Variants in GNG2 observed in about 807,000 individuals in gnomAD.
GNG2 encodes the protein guanine nucleotide-binding protein G(I)/G(S)/G(O) subunit gamma-2.
A neutral mutation model predicts 5.5 loss-of-function variants in GNG2; 5 were observed. The observed-to-expected ratio is 0.91, with a 90% CI of 0.48 to 1.92. GNG2 has a LOEUF of 1.92. Ranked by LOEUF, GNG2 falls within the 30% of genes most tolerant of loss-of-function variation. GNG2 has a pLI of 0.01. For missense variants in GNG2, 55 were observed against 88.4 expected (o/e 0.62, Z 1.52); for synonymous variants, 28 against 32.0 (o/e 0.88, Z 0.42).
intron 2 of GNG2, among the ~76,000 whole-genome samples, chr14:51,900,208 G>A (rs543597864): frequency 1.3e-5 from 2 of 152,226 alleles, no homozygotes; most frequent in South Asian, 2.1e-4. Flanking sequence ...ATTCTGAAAG[G>A]TGTGAGGTGA....
At chr14:51,855,722 T>G (rs1882123876), upstream of GNG2, among the ~76,000 whole-genome samples, 1 of 152,202 alleles carries the variant, frequency 6.6e-6, no homozygotes, top group Non-Finnish European at 1.5e-5. Context: ...CTCTTCCTTC[T>G]TCCCTGCAGC....
At chr14:51,902,782 G>A (rs1234160219) in intron 2 of GNG2, among the ~76,000 whole-genome samples, 1 of 152,104 alleles carries the variant, frequency 6.6e-6, no homozygotes, top group African/African-American at 2.4e-5. Flanking sequence ...CAGCTACCCT[G>A]GAGGCTGAGG....
chr14:51,924,128 A>C (rs1198455529), intron 2 of GNG2, among the ~76,000 whole-genome samples: 1 of 152,248 alleles, frequency 6.6e-6, no homozygotes, highest in Non-Finnish European at 1.5e-5. Context: ...CACAGACCAC[A>C]GAAGCAGCTT....
intron 2 of GNG2, among the ~76,000 whole-genome samples, chr14:51,934,126 T>C (rs1594933913): frequency 6.6e-6 from 1 of 151,604 alleles, no homozygotes; most frequent in African/African-American, 2.4e-5. Context: ...TTAAAGGGAG[T>C]GGTTCCATGA....
chr14:51,948,852 T>G (rs944489665), intron 2 of GNG2, among the ~76,000 whole-genome samples: 1 of 152,164 alleles, frequency 6.6e-6, no homozygotes, highest in Non-Finnish European at 1.5e-5. Flanking sequence ...CCGGGCGTGG[T>G]GGCTCATGCC....
chr14:51,915,127 C>G (rs1886537557), intron 2 of GNG2, among the ~76,000 whole-genome samples: 2 of 152,194 alleles, frequency 1.3e-5, no homozygotes, highest in South Asian at 4.1e-4. Flanking sequence ...ACGTTTAGAG[C>G]TTAAGTGTAT....
At chr14:51,932,271 A>AAAAG (rs60014306) in intron 2 of GNG2, among the ~76,000 whole-genome samples, 3,836 of 96,270 alleles carry the variant, frequency 0.04, 798 homozygotes, top group African/African-American at 0.08. Context: ...AAAAAAAAAA[A>AAAAG]AGAAAAGAAA....
At position 51,966,473 on chromosome 14, in the gene GNG2, G is replaced by A. The variant is rs946936855; in HGVS notation, c.88-86G>A. 2.3e-5 allele frequency: 27 copies of A among 1,160,900 alleles called. No homozygotes were observed. In the African/African-American group the frequency reaches 4.0e-4, roughly 17 times the overall value. 71.9% of individuals were successfully genotyped at this position (1,160,900 alleles called of 1,614,324 possible). On this transcript the variant is annotated intron_variant, in intron 3 of 3. Transcript: ENST00000556766. ...ATCTTGCTTCATGGAGCAAGGATTTGATGCCAGGACATTGGGCTCTAAAGC... is the reference window on the plus strand; with the variant it reads ...ATCTTGCTTCATGGAGCAAGGATTTAATGCCAGGACATTGGGCTCTAAAGC...
rs76917352 is a variant in GNG2, at chr14:51,873,156, A to G, written c.-70-4461A>G. Reference sequence around the variant, plus strand: ...TTTCTTCATCCTTAAGGAGAAAGGCATATTTGATTTGATGAGTCTCTCTTC... The same window carrying G: ...TTTCTTCATCCTTAAGGAGAAAGGCGTATTTGATTTGATGAGTCTCTCTTC... On this transcript the variant is annotated intron_variant, in intron 1 of 3. Coordinates refer to ENST00000556766, the MANE Select transcript of GNG2 (RefSeq NM_053064.5). 2.1e-3 allele frequency among the ~76,000 whole-genome samples: 316 copies of G among 152,338 alleles called. 1 individual carries two copies. Among genetic ancestry groups the G allele is most frequent in the African/African-American group, 7.2e-3 (298 of 41,574 alleles).
At chr14:51,850,272 C>T (rs2790497) in intron 2 of GNG2, among the ~76,000 whole-genome samples, 108,387 of 151,974 alleles carry the variant, frequency 0.71, 40,949 homozygotes, top group East Asian at 0.97. Flanking sequence ...AAGTAAGTTG[C>T]CTCTTATGTG....
intron 2 of GNG2, among the ~76,000 whole-genome samples, chr14:51,899,377 A>G (rs1234824807): frequency 1.1e-4 from 17 of 152,246 alleles, no homozygotes; most frequent in Admixed American, 1.1e-3. Flanking sequence ...TAGTTCCGAC[A>G]TTAAACAGAA....
intron 1 of GNG2, among the ~76,000 whole-genome samples, chr14:51,877,010 C>T (rs989337687): frequency 1.3e-5 from 2 of 152,150 alleles, no homozygotes; most frequent in Non-Finnish European, 2.9e-5. Context: ...ACTGGACAAA[C>T]GTAGGCCACT....
At chr14:51,857,237 G>C (rs2140095285), upstream of GNG2, among the ~76,000 whole-genome samples, 1 of 152,340 alleles carries the variant, frequency 6.6e-6, no homozygotes, top group East Asian at 1.9e-4. Flanking sequence ...GAGAAAAGCT[G>C]AGTCCTAAAG....
At chr14:51,885,218 T>G (rs1472084509) in intron 2 of GNG2, among the ~76,000 whole-genome samples, 1 of 152,190 alleles carries the variant, frequency 6.6e-6, no homozygotes, top group African/African-American at 2.4e-5. Context: ...GGTTATAATA[T>G]TCACCCTGAC....
chr14:51,861,532 G>C (rs1290661040), intron 1 of GNG2: 3 of 152,214 alleles, frequency 2.0e-5, no homozygotes, highest in Non-Finnish European at 4.4e-5. Context: ...CAAGGTGCAT[G>C]TTAGCCTCGG....
intron 2 of GNG2, among the ~76,000 whole-genome samples, chr14:51,928,929 C>T (rs74944795): frequency 2.0e-5 from 3 of 152,210 alleles, no homozygotes; most frequent in Admixed American, 6.5e-5. Flanking sequence ...AGAACTAAGC[C>T]GTAGTCTATA....
Position 51,864,469 on chromosome 14 carries a change from C to T in GNG2, c.-71+3679C>T, listed in dbSNP as rs28455102. Among the ~76,000 whole-genome samples, 1,190 of 152,286 alleles carry T rather than the reference C, an allele frequency of 7.8e-3. 16 individuals are homozygous for T. The highest frequency in any genetic ancestry group is 0.028 in the African/African-American group (1,147 of 41,558). On this transcript the variant is annotated intron_variant, in intron 1 of 3. Transcript: ENST00000556766. ...GTCATTAGATAATAATCATAATCTT[C>T]GTATTTAACCTCCTTTATACAACAG...
chr14:51,924,380 C>T (rs1447302257), intron 2 of GNG2, among the ~76,000 whole-genome samples: 1 of 152,134 alleles, frequency 6.6e-6, no homozygotes, highest in African/African-American at 2.4e-5. Context: ...CATCATCAGG[C>T]TTATTCATTT....
At chr14:51,881,907 C>T (rs539093147) in intron 2 of GNG2, among the ~76,000 whole-genome samples, 1 of 151,920 alleles carries the variant, frequency 6.6e-6, no homozygotes, top group Non-Finnish European at 1.5e-5. Context: ...ATTTTTTCCT[C>T]AATCTCTTTT....
Sources: allele counts gnomAD v4.1 joint callset (sites outside exome capture counted in the v4.1 genomes callset), GRCh38; gene constraint gnomAD v4.1.1; transcripts MANE v1.5; gene names NCBI Gene and HGNC (gene_info 2026-07-23, HGNC 2026-07-21).